The following ZFYVE9 variants were observed in gnomAD, a reference collection of about 807,000 sequenced individuals.
ZFYVE9 encodes zinc finger FYVE-type containing 9, also known as zinc finger FYVE domain-containing protein 9.
Under a neutral mutation model 126.7 loss-of-function variants are expected in ZFYVE9, and 43 were observed. The observed-to-expected ratio is 0.34, with a 90% CI of 0.27 to 0.44. ZFYVE9 has a LOEUF of 0.44. ZFYVE9 is among the 20% of genes least tolerant of loss of function. The pLI, the probability that ZFYVE9 is intolerant of heterozygous loss-of-function variation, is 1.00. For missense variants in ZFYVE9, 1,476 were observed against 1,697.0 expected (o/e 0.87, Z 2.29); for synonymous variants, 521 against 597.4 (o/e 0.87, Z 1.87).
chr1:52,208,505 T>C (rs1037059519), intron 1 of ZFYVE9, among the ~76,000 whole-genome samples: 7 of 150,128 alleles, frequency 4.7e-5, no homozygotes, highest in Admixed American at 2.0e-4. Context: ...TGTTCTTCTT[T>C]TTTTTTTTTT....
chr1:52,176,589 C>G (rs1172375724), intron 1 of ZFYVE9, among the ~76,000 whole-genome samples: 1 of 152,148 alleles, frequency 6.6e-6, no homozygotes, highest in African/African-American at 2.4e-5. Flanking sequence ...TGCCCTGCCC[C>G]CAGAGGTGGA....
At chr1:52,324,148 C>T (rs1364558464) in intron 13 of ZFYVE9, among the ~76,000 whole-genome samples, 1 of 151,920 alleles carries the variant, frequency 6.6e-6, no homozygotes, top group East Asian at 1.9e-4. Flanking sequence ...ACCTGGGAGG[C>T]TGAGGTGGGA....
chr1:52,250,177 C>T (rs1253325458), intron 4 of ZFYVE9, among the ~76,000 whole-genome samples: 11 of 152,118 alleles, frequency 7.2e-5, no homozygotes, highest in Non-Finnish European at 2.9e-5. Context: ...ATAGAGATTG[C>T]GTTGAATCTG....
chr1:52,202,264 G>C (rs1473643584), intron 1 of ZFYVE9, among the ~76,000 whole-genome samples: 1 of 151,508 alleles, frequency 6.6e-6, no homozygotes, highest in Non-Finnish European at 1.5e-5. Context: ...CTCCTCCGTA[G>C]GTATAGTGTT....
At chr1:52,263,110 T>C (rs1645596215) in intron 4 of ZFYVE9, among the ~76,000 whole-genome samples, 1 of 150,378 alleles carries the variant, frequency 6.6e-6, no homozygotes, top group Admixed American at 6.6e-5. Context: ...AAAGAAATCT[T>C]AACAGGAACA....
chr1:52,278,539 T>G lies in ZFYVE9; in HGVS notation c.2794T>G (p.Leu932Val). The G allele has an allele frequency of 6.2e-7, 1 of 1,613,864 alleles. No homozygotes were observed. Among genetic ancestry groups the G allele is most frequent in the Non-Finnish European group, 8.5e-7 (1 of 1,179,818 alleles). The change falls in exon 9 of 19, where the codon TTG becomes GTG. Residue 932 changes from leucine (L) to valine (V), a missense_variant. By Grantham distance (32) the Leu-to-Val change is conservative (BLOSUM62 1). Coordinates refer to ENST00000287727, the MANE Select transcript of ZFYVE9 (RefSeq NM_004799.4). ...KPSQISVMQQLEDGGPDPLVF... is the reference protein window; with the variant it reads ...KPSQISVMQQVEDGGPDPLVF... Reference sequence around the variant, plus strand: ...ATCACAGATTTCAGTAATGCAGCAGTTGGAGGATGGTGGCCCTGACCCACT... The same window carrying G: ...ATCACAGATTTCAGTAATGCAGCAGGTGGAGGATGGTGGCCCTGACCCACT...
intron 15 of ZFYVE9, among the ~76,000 whole-genome samples, chr1:52,337,554 C>G (rs1646400577): frequency 1.3e-5 from 2 of 152,182 alleles, no homozygotes; most frequent in South Asian, 4.1e-4. Context: ...AGGAGAAATT[C>G]TTAGTTGTGT....
chr1:52,221,697 G>A (rs369660924), intron 2 of ZFYVE9, among the ~76,000 whole-genome samples: 50 of 152,244 alleles, frequency 3.3e-4, no homozygotes, highest in East Asian at 9.7e-4. Flanking sequence ...GGTGGCCTCC[G>A]TGTTTGTGGG....
chr1:52,172,314 T>C (rs1020199176), intron 1 of ZFYVE9, among the ~76,000 whole-genome samples: 9 of 152,206 alleles, frequency 5.9e-5, no homozygotes, highest in African/African-American at 2.2e-4. Flanking sequence ...TAGTTGTAGA[T>C]ATGCGGCGTT....
chr1:52,205,048 G>C (rs1358399586), intron 1 of ZFYVE9, among the ~76,000 whole-genome samples: 4 of 149,562 alleles, frequency 2.7e-5, no homozygotes, highest in Non-Finnish European at 5.9e-5. Context: ...TCGAATTTGG[G>C]TCAGGGTTTG....
At chr1:52,329,322 A>G (rs968770401) in intron 13 of ZFYVE9, among the ~76,000 whole-genome samples, 25 of 152,212 alleles carry the variant, frequency 1.6e-4, no homozygotes, top group African/African-American at 5.8e-4. Flanking sequence ...CTTACCTCAC[A>G]TTATATATAA....
At chr1:52,242,965 CAT>C in intron 4 of ZFYVE9, among the ~76,000 whole-genome samples, 1 of 152,318 alleles carries the variant, frequency 6.6e-6, no homozygotes, top group Non-Finnish European at 1.5e-5. Context: ...TCATCCATGT[CAT>C]AGCACTTATC....
At chr1:52,156,321 G>A (rs1045102651) in intron 1 of ZFYVE9, among the ~76,000 whole-genome samples, 1 of 152,144 alleles carries the variant, frequency 6.6e-6, no homozygotes, top group Non-Finnish European at 1.5e-5. Flanking sequence ...GTTTGAGCTT[G>A]TGGTAGATCC....
chr1:52,282,148 A>G (rs545474762), intron 10 of ZFYVE9, among the ~76,000 whole-genome samples: 1 of 152,322 alleles, frequency 6.6e-6, no homozygotes, highest in East Asian at 1.9e-4. Flanking sequence ...TCTTTGGTTA[A>G]CAATATTTAT....
At chr1:52,309,803 TGAG>T (rs746964979) in intron 13 of ZFYVE9, among the ~76,000 whole-genome samples, 14 of 151,842 alleles carry the variant, frequency 9.2e-5, no homozygotes, top group East Asian at 5.8e-4. Context: ...ATATGGAAAA[TGAG>T]GAGGGAGGGA....
chr1:52,168,433 T>G (rs1572069385), intron 1 of ZFYVE9, among the ~76,000 whole-genome samples: 1 of 151,854 alleles, frequency 6.6e-6, no homozygotes, highest in Admixed American at 6.6e-5. Context: ...GTCAGGCTGG[T>G]CTCAAACTCC....
intron 10 of ZFYVE9, 60 bp from the exon 11 acceptor site, chr1:52,293,393 A>T: frequency 1.5e-6 from 2 of 1,319,486 alleles, no homozygotes; most frequent in Non-Finnish European, 2.0e-6. Flanking sequence ...AAAAAAAAAA[A>T]AAAAAGAAAT....
Position 52,142,565 on chromosome 1 carries a change from G to A in ZFYVE9, c.-143+162G>A, listed in dbSNP as rs1644268910. Reference sequence around the variant, plus strand: ...CAGCCCTTTCTCCCCGCGTCCCCCGGGAGGCTGAAGGCCGTGGGGGGCGAT... The same window carrying A: ...CAGCCCTTTCTCCCCGCGTCCCCCGAGAGGCTGAAGGCCGTGGGGGGCGAT... On this transcript the variant is annotated intron_variant, in intron 1 of 18. Coordinates refer to ENST00000287727, the MANE Select transcript of ZFYVE9 (RefSeq NM_004799.4). This position sits in a 1 kb window ranked among gnomAD's most constrained non-coding sequence, Gnocchi z 4.5. Among the ~76,000 whole-genome samples, 1 of 152,124 alleles carries A rather than the reference G, an allele frequency of 6.6e-6. No individual in the cohort carries two copies. The highest frequency in any genetic ancestry group is 1.5e-5 in the Non-Finnish European group (1 of 67,996).
chr1:52,185,159 T>C (rs1644753467), intron 1 of ZFYVE9, among the ~76,000 whole-genome samples: 1 of 152,172 alleles, frequency 6.6e-6, no homozygotes, highest in South Asian at 2.1e-4. Context: ...TCTTAAGAGG[T>C]GTTCAACAAT....
Sources: allele counts gnomAD v4.1 joint callset (sites outside exome capture counted in the v4.1 genomes callset), GRCh38; gene constraint gnomAD v4.1.1; non-coding constraint Gnocchi (gnomAD v3.1); transcripts MANE v1.5; gene names NCBI Gene and HGNC (gene_info 2026-07-23, HGNC 2026-07-21).